The following CT55 variants were observed in gnomAD, a reference collection of about 807,000 sequenced individuals.
CT55 encodes cancer/testis antigen 55.
Under a neutral mutation model 12.6 loss-of-function variants are expected in CT55, and 1 was observed. The ratio of observed to expected loss-of-function variants is 0.08; its 90% CI spans 0.03 to 0.38. The LOEUF is 0.38. CT55 is among the 10% of genes least tolerant of loss of function. CT55 has a pLI of 0.99. For synonymous variants in CT55, 43 were observed against 49.7 expected (o/e 0.87, Z 0.57); for missense variants, 109 against 135.4 (o/e 0.80, Z 0.97).
chrX:135,171,631 G>C (rs2083612099), upstream of CT55, among the ~76,000 whole-genome samples: 1 of 111,479 alleles, frequency 9.0e-6, no homozygotes. Context: ...GGGAGGATGG[G>C]TGCCTGAAAC....
intron 3 of CT55, among the ~76,000 whole-genome samples, chrX:135,158,800 C>T (rs1202511483): frequency 8.9e-6 from 1 of 112,350 alleles, no homozygotes; most frequent in Admixed American, 9.4e-5. Context: ...ACACAGCTGC[C>T]TTGAGAATTA....
chrX:135,165,024 C>T (rs1353881678), intron 2 of CT55, among the ~76,000 whole-genome samples: 5 of 112,004 alleles, frequency 4.5e-5, no homozygotes, highest in Admixed American at 3.8e-4. Flanking sequence ...CAGATTGTCC[C>T]GACAGAACAT....
intron 2 of CT55, among the ~76,000 whole-genome samples, chrX:135,164,042 G>A (rs2083573087): frequency 8.9e-6 from 1 of 111,781 alleles, no homozygotes; most frequent in Admixed American, 9.5e-5. Flanking sequence ...AGAAATGCTA[G>A]GGAGAGTTCT....
At chrX:135,159,207 TTCTCTCTCTCTCTCTCTC>T (rs60230637) in intron 3 of CT55, among the ~76,000 whole-genome samples, 4 of 100,571 alleles carry the variant, frequency 4.0e-5, no homozygotes, top group Non-Finnish European at 8.1e-5. Context: ...GTTAGACCTG[TTCTCTCTCTCTCTCTCTC>T]TCTCTCTCTC....
chrX:135,160,217 C>A (rs1268141383), intron 3 of CT55, among the ~76,000 whole-genome samples, 194 bp downstream of exon 3: 2 of 111,276 alleles, frequency 1.8e-5, no homozygotes, highest in Non-Finnish European at 1.9e-5. Context: ...AATGAACACA[C>A]AATAACCAAC....
intron 2 of CT55, among the ~76,000 whole-genome samples, chrX:135,167,201 A>T (rs1364866341): frequency 1.8e-5 from 2 of 112,098 alleles, no homozygotes; most frequent in Admixed American, 9.4e-5. Flanking sequence ...AAAACATATG[A>T]CAAAGCTATA....
intron 2 of CT55, among the ~76,000 whole-genome samples, chrX:135,161,513 A>G (rs2083562633): frequency 8.9e-6 from 1 of 112,486 alleles, no homozygotes; most frequent in Non-Finnish European, 1.9e-5. Context: ...CATTAAATGA[A>G]CACAAAAGTT....
chrX:135,169,558 G>A (rs782468519), intron 2 of CT55, 36 bp downstream of exon 2: 86 of 1,101,224 alleles, frequency 7.8e-5, no homozygotes, highest in South Asian at 2.1e-5. Flanking sequence ...AGCCCACTGG[G>A]ATAAGACACA....
chrX:135,169,829 T>C, intron 1 of CT55, 51 bp from the exon 2 acceptor site: 1 of 961,326 alleles, frequency 1.0e-6, no homozygotes, highest in Admixed American at 2.5e-5. Flanking sequence ...TGCAAACACC[T>C]ACTACAAGTA....
rs782443059 is a variant in CT55 at position 135,160,305 on chromosome X, G to A, written c.424+106C>T. The A allele has an allele frequency of 1.8e-5, 15 of 816,851 alleles. No individual in the cohort carries two copies. The African/African-American group carries it at 3.0e-4, about 16-fold the overall frequency. The allele number at this position is 816,851 out of a possible 1,213,427, so 67.3% of individuals were successfully genotyped here. ...ATTGGAACAGTCTACCTCTAACACT[G>A]AAGAGCCATTGACTGAAGCCAAGTA... On this transcript the variant is annotated intron_variant, in intron 3 of 5. Coordinates refer to ENST00000276241, the MANE Select transcript of CT55 (RefSeq NM_001031705.3).
intron 1 of CT55, among the ~76,000 whole-genome samples, chrX:135,170,664 C>T (rs1286927103): frequency 9.0e-6 from 1 of 111,297 alleles, no homozygotes; most frequent in Non-Finnish European, 1.9e-5. Context: ...CAGGGGTTCT[C>T]TGCCTTCCTT....
chrX:135,158,610 T>C (rs2148442116), intron 3 of CT55, among the ~76,000 whole-genome samples: 1 of 112,230 alleles, frequency 8.9e-6, no homozygotes, highest in African/African-American at 3.2e-5. Flanking sequence ...GTGTTCACAA[T>C]TGCTTAGTGA....
At position 135,169,591 on chromosome X, in the gene CT55, C is replaced by T; in HGVS notation, c.279+3G>A. 1.7e-6 allele frequency: 2 copies of T among 1,195,487 alleles called. No homozygotes were observed. Among genetic ancestry groups the T allele is most frequent in the South Asian group, 3.7e-5 (2 of 53,975 alleles). On this transcript the variant is annotated splice_donor_region_variant and intron_variant, in intron 2 of 5. Coordinates refer to ENST00000276241, the MANE Select transcript of CT55 (RefSeq NM_001031705.3). The stretch of plus-strand genomic sequence containing the variant: ...ACAATTCCCAAACTCATGCACATCT[C>T]ACCTTGATTGCTCTCAATCCATAAT...
chrX:135,171,703 G>A (rs2083612537), upstream of CT55, among the ~76,000 whole-genome samples: 1 of 111,633 alleles, frequency 9.0e-6, no homozygotes, highest in African/African-American at 3.3e-5. Context: ...AGCATAAGGA[G>A]TCACCACTCA....
chrX:135,158,267 T>G lies in CT55; in HGVS notation c.469A>C (p.Thr157Pro), dbSNP rs1556404500. The change falls in exon 4 of 6, where the codon ACT becomes CCT. Residue 157 changes from threonine (T) to proline (P), a missense_variant. By Grantham distance (38) the Thr-to-Pro change is conservative. Coordinates refer to ENST00000276241, the MANE Select transcript of CT55 (RefSeq NM_001031705.3). Reference sequence around the variant, plus strand: ...TTGATGTTTGAGATGCCTGGCTCAGTGGAATATTCAACTTCTAACAAGTCA... The same window carrying G: ...TTGATGTTTGAGATGCCTGGCTCAGGGGAATATTCAACTTCTAACAAGTCA... ...KGDLLEVEYS[T>P]EPGISNIKAT... 8.3e-7 allele frequency: 1 copy of G among 1,208,738 alleles called. No individual in the cohort carries two copies. Among genetic ancestry groups the G allele is most frequent in the Non-Finnish European group, 1.1e-6 (1 of 892,800 alleles).
At chrX:135,161,802 G>A (rs1171865788) in intron 2 of CT55, among the ~76,000 whole-genome samples, 2 of 112,382 alleles carry the variant, frequency 1.8e-5, no homozygotes, top group African/African-American at 6.5e-5. Flanking sequence ...TGTCTTTCCA[G>A]CTGTCAATAC....
chrX:135,166,823 A>G (rs1556406096), intron 2 of CT55, among the ~76,000 whole-genome samples: 1 of 111,578 alleles, frequency 9.0e-6, no homozygotes, highest in Non-Finnish European at 1.9e-5. Flanking sequence ...AACTATCTGG[A>G]AAAGATATCA....
At chrX:135,159,137 A>G (rs1569481684) in intron 3 of CT55, among the ~76,000 whole-genome samples, 1 of 111,622 alleles carries the variant, frequency 9.0e-6, no homozygotes, top group Non-Finnish European at 1.9e-5. Flanking sequence ...AGTGATATCA[A>G]CAAAGTTAAA....
chrX:135,163,893 G>C (rs1211146350), intron 2 of CT55, among the ~76,000 whole-genome samples: 2 of 110,716 alleles, frequency 1.8e-5, no homozygotes, highest in Non-Finnish European at 3.8e-5. Flanking sequence ...GGCCAGGAGA[G>C]AGTAGTATAG....
Sources: gnomAD v4.1 joint callset for allele counts (sites outside exome capture counted in the v4.1 genomes callset) on GRCh38, gnomAD v4.1.1 for gene constraint, MANE v1.5 for transcripts, NCBI Gene and HGNC (gene_info 2026-07-23, HGNC 2026-07-21) for gene names.